Variants in SLC35F4 observed in about 807,000 individuals in gnomAD.
SLC35F4 encodes the protein chromosome 14 open reading frame 36.
In SLC35F4, 24 loss-of-function variants were observed where a neutral mutation model predicts 44.2. That is an observed-to-expected ratio of 0.54 (90% CI 0.39 to 0.76). SLC35F4 has a LOEUF of 0.76. Ranked by LOEUF, SLC35F4 falls within the 30% of genes least tolerant of loss-of-function variation. The pLI, the probability that SLC35F4 is intolerant of heterozygous loss-of-function variation, is 0.00. For synonymous variants in SLC35F4, 238 were observed against 223.6 expected (o/e 1.06, Z -0.57); for missense variants, 562 against 586.1 (o/e 0.96, Z 0.42).
chr14:57,973,077 G>A (rs962424703), downstream of SLC35F4, among the ~76,000 whole-genome samples: 4 of 152,178 alleles, frequency 2.6e-5, no homozygotes, highest in African/African-American at 7.2e-5. Flanking sequence ...TGAATCAGCT[G>A]TTCCCTAAGC....
chr14:57,827,413 A>G (rs913989108), intron 1 of SLC35F4, among the ~76,000 whole-genome samples: 1 of 152,126 alleles, frequency 6.6e-6, no homozygotes, highest in Non-Finnish European at 1.5e-5. Flanking sequence ...TACCTAGGAG[A>G]TAAGTTGACA....
chr14:57,777,452 A>G (rs544747714), intron 1 of SLC35F4, among the ~76,000 whole-genome samples: 1 of 152,350 alleles, frequency 6.6e-6, no homozygotes, highest in East Asian at 1.9e-4. Context: ...CAGTCATAAA[A>G]AAGGATGAGT....
At chr14:57,672,883 T>C (rs948247135) in intron 1 of SLC35F4, among the ~76,000 whole-genome samples, 1 of 152,044 alleles carries the variant, frequency 6.6e-6, no homozygotes, top group Non-Finnish European at 1.5e-5. Context: ...GTAGGTTTTT[T>C]GTTTTTTTAT....
intron 1 of SLC35F4, among the ~76,000 whole-genome samples, chr14:57,720,709 G>A (rs1238542764): frequency 6.6e-6 from 1 of 152,002 alleles, no homozygotes; most frequent in Non-Finnish European, 1.5e-5. Flanking sequence ...GAGTCAGTAG[G>A]CTGGGAAAGA....
chr14:57,865,965 G>C lies in SLC35F4; in HGVS notation c.-140C>G. The C allele has an allele frequency of 2.2e-6, 1 of 461,316 alleles. No individual in the cohort carries two copies. Among genetic ancestry groups the C allele is most frequent in the South Asian group, 4.0e-5 (1 of 25,032 alleles). 28.6% of individuals were successfully genotyped at this position (461,316 alleles called of 1,614,324 possible). On this transcript the variant is annotated 5_prime_UTR_variant, in exon 1 of 8. Coordinates refer to ENST00000556826, the MANE Select transcript of SLC35F4 (RefSeq NM_001306087.2). ...CGCCCGGGCTCTGACTCCACCGCCC[G>C]GCGCAGCACCGGCTCCGCATCACAG... is the stretch of plus-strand genomic sequence containing the variant.
At chr14:57,697,110 T>C (rs2075406472) in intron 1 of SLC35F4, among the ~76,000 whole-genome samples, 1 of 152,174 alleles carries the variant, frequency 6.6e-6, no homozygotes, top group Non-Finnish European at 1.5e-5. Flanking sequence ...TTTTATTATG[T>C]AAATTGCTCT....
At chr14:57,829,506 G>T (rs766413589) in intron 1 of SLC35F4, among the ~76,000 whole-genome samples, 1 of 152,286 alleles carries the variant, frequency 6.6e-6, no homozygotes, top group South Asian at 2.1e-4. Flanking sequence ...TACAAAGCAG[G>T]TCTAAAACGC....
chr14:57,848,309 T>C (rs745522159), intron 1 of SLC35F4, among the ~76,000 whole-genome samples: 14 of 152,214 alleles, frequency 9.2e-5, no homozygotes, highest in Non-Finnish European at 2.1e-4. Flanking sequence ...TCTCCGAAGA[T>C]GCTCAAACAA....
intron 1 of SLC35F4, among the ~76,000 whole-genome samples, chr14:57,752,705 C>T (rs1189654759): frequency 3.3e-5 from 5 of 152,078 alleles, no homozygotes; most frequent in Non-Finnish European, 7.4e-5. Context: ...ATGATCCACC[C>T]GCCTCGGCCT....
chr14:57,677,172 A>G (rs886532673), intron 1 of SLC35F4, among the ~76,000 whole-genome samples: 2 of 152,006 alleles, frequency 1.3e-5, no homozygotes, highest in Non-Finnish European at 2.9e-5. Flanking sequence ...AAAACCAAAT[A>G]CCATATGTTC....
chr14:57,942,920 G>A (rs1323662521), intron 1 of SLC35F4, among the ~76,000 whole-genome samples: 1 of 152,184 alleles, frequency 6.6e-6, no homozygotes, highest in Non-Finnish European at 1.5e-5. Flanking sequence ...TTCAGAAACT[G>A]AGATTTAAAA....
chr14:57,840,082 A>G (rs1307196155), intron 1 of SLC35F4, among the ~76,000 whole-genome samples: 1 of 152,172 alleles, frequency 6.6e-6, no homozygotes, highest in African/African-American at 2.4e-5. Flanking sequence ...TTTTTTACAC[A>G]TATTTTCTGT....
At chr14:57,752,570 T>A (rs2076910534) in intron 1 of SLC35F4, among the ~76,000 whole-genome samples, 1 of 151,920 alleles carries the variant, frequency 6.6e-6, no homozygotes, top group African/African-American at 2.4e-5. Context: ...AAGCTGTTCT[T>A]CTGCCTCAGC....
At chr14:57,672,404 G>C (rs1594764112) in intron 1 of SLC35F4, among the ~76,000 whole-genome samples, 1 of 152,168 alleles carries the variant, frequency 6.6e-6, no homozygotes, top group East Asian at 1.9e-4. Flanking sequence ...TAGGAACAGT[G>C]ATCTCAATTA....
chr14:57,673,016 GA>G (rs2140278048), intron 1 of SLC35F4, among the ~76,000 whole-genome samples: 1 of 152,056 alleles, frequency 6.6e-6, no homozygotes, highest in African/African-American at 2.4e-5. Context: ...AGTCCTCTTA[GA>G]AAAGGTAGCA....
At chr14:57,694,712 T>G (rs187491790) in intron 1 of SLC35F4, among the ~76,000 whole-genome samples, 7 of 152,174 alleles carry the variant, frequency 4.6e-5, no homozygotes, top group Non-Finnish European at 1.0e-4. Context: ...ATTTCTGTCT[T>G]GTCTCTCGAT....
At chr14:57,742,737 C>T (rs1357195039) in intron 1 of SLC35F4, among the ~76,000 whole-genome samples, 3 of 152,222 alleles carry the variant, frequency 2.0e-5, no homozygotes, top group African/African-American at 7.2e-5. Context: ...TAGACATCTA[C>T]AGAACTCTCC....
rs192981709 is a variant in SLC35F4, at chr14:57,573,301, G to C, written c.808-1282C>G. Among the ~76,000 whole-genome samples, 4 of 152,284 alleles carry C rather than the reference G, an allele frequency of 2.6e-5. No homozygotes were observed. The East Asian group carries it at 7.7e-4, about 29-fold the overall frequency. On this transcript the variant is annotated intron_variant, in intron 4 of 7. Coordinates refer to ENST00000556826, the MANE Select transcript of SLC35F4 (RefSeq NM_001306087.2). ...GGTTTCAGAGTAGCTCCATATTAAA[G>C]TGTCCTTAATGAAAAACAGCAGGAG...
chr14:57,969,925 C>T (rs1881004888), intron 1 of SLC35F4, among the ~76,000 whole-genome samples: 1 of 152,054 alleles, frequency 6.6e-6, no homozygotes, highest in South Asian at 2.1e-4. Context: ...CTGGGAGCCC[C>T]CACAAAAGTC....
Sources: gnomAD v4.1 joint callset for allele counts (sites outside exome capture counted in the v4.1 genomes callset) on GRCh38, gnomAD v4.1.1 for gene constraint, MANE v1.5 for transcripts, NCBI Gene and HGNC (gene_info 2026-07-23, HGNC 2026-07-21) for gene names.